RBFOX1: variants seen among roughly 807,000 people sequenced by gnomAD.
The protein encoded by RBFOX1 is RNA binding protein fox-1 homolog 1.
Under a neutral mutation model 57.7 loss-of-function variants are expected in RBFOX1, and 8 were observed. The ratio of observed to expected loss-of-function variants is 0.14; its 90% CI spans 0.08 to 0.25. RBFOX1 has a LOEUF of 0.25. RBFOX1 is among the 10% of genes least tolerant of loss of function. RBFOX1 has a pLI of 1.00. For synonymous variants in RBFOX1, 326 were observed against 222.4 expected (o/e 1.47, Z -4.15); for missense variants, 611 against 548.5 (o/e 1.11, Z -1.14).
intron 3 of RBFOX1, among the ~76,000 whole-genome samples, chr16:5,627,826 A>T (rs544999034): frequency 1.3e-5 from 2 of 152,242 alleles, no homozygotes; most frequent in Non-Finnish European, 2.9e-5. Context: ...CATAGGTTCT[A>T]TGCAAATACT....
At chr16:5,727,411 C>G (rs1007775995) in intron 3 of RBFOX1, among the ~76,000 whole-genome samples, 3 of 152,172 alleles carry the variant, frequency 2.0e-5, no homozygotes, top group African/African-American at 7.2e-5. Flanking sequence ...ATGTGATGCT[C>G]TGATGTACGT....
intron 4 of RBFOX1, among the ~76,000 whole-genome samples, chr16:7,489,332 G>C (rs778399335): frequency 4.6e-5 from 7 of 152,156 alleles, no homozygotes; most frequent in Non-Finnish European, 7.3e-5. Flanking sequence ...CTTTTGGCAA[G>C]TATTTCATAA....
At chr16:6,573,433 A>C (rs1320342252) in intron 2 of RBFOX1, among the ~76,000 whole-genome samples, 10 of 152,176 alleles carry the variant, frequency 6.6e-5, no homozygotes. Flanking sequence ...AAACTGCTGG[A>C]AAGAGTCTGC....
chr16:6,529,508 G>A (rs1007957615), intron 2 of RBFOX1, among the ~76,000 whole-genome samples: 7 of 151,830 alleles, frequency 4.6e-5, no homozygotes, highest in African/African-American at 1.5e-4. Flanking sequence ...GCAGTAAGTC[G>A]ACATTGCACC....
At chr16:6,839,823 C>T (rs967214625) in intron 3 of RBFOX1, among the ~76,000 whole-genome samples, 1 of 152,202 alleles carries the variant, frequency 6.6e-6, no homozygotes, top group Non-Finnish European at 1.5e-5. Flanking sequence ...TTCGTGTACT[C>T]ATAGCTATAA....
chr16:7,068,485 A>C (rs529918464), intron 4 of RBFOX1, among the ~76,000 whole-genome samples: 23 of 152,252 alleles, frequency 1.5e-4, no homozygotes, highest in Non-Finnish European at 2.9e-4. Flanking sequence ...TGCAGTCCCT[A>C]CTGGCATTCA....
intron 2 of RBFOX1, among the ~76,000 whole-genome samples, chr16:5,576,284 C>T (rs781046617): frequency 9.8e-5 from 15 of 152,302 alleles, no homozygotes; most frequent in South Asian, 2.1e-4. Flanking sequence ...TGAGCCACTA[C>T]GCCTAACCAG....
chr16:6,881,190 A>G (rs1400450883), intron 3 of RBFOX1, among the ~76,000 whole-genome samples: 3 of 152,226 alleles, frequency 2.0e-5, no homozygotes, highest in African/African-American at 7.2e-5. Context: ...TGCTCTCCCA[A>G]GCTCACAGGC....
chr16:6,944,351 C>T (rs528282987), intron 3 of RBFOX1, among the ~76,000 whole-genome samples: 5 of 147,976 alleles, frequency 3.4e-5, no homozygotes, highest in South Asian at 2.1e-4. Flanking sequence ...GCCAAGATTG[C>T]GCCGTTGTAC....
chr16:6,333,956 C>T (rs1456853186), intron 2 of RBFOX1, among the ~76,000 whole-genome samples: 1 of 152,026 alleles, frequency 6.6e-6, no homozygotes, highest in Non-Finnish European at 1.5e-5. Context: ...GGCCAAAGAA[C>T]AATTAAAGTG....
intron 2 of RBFOX1, among the ~76,000 whole-genome samples, chr16:5,572,955 G>A (rs1387984347): frequency 2.6e-5 from 4 of 152,144 alleles, no homozygotes; most frequent in Non-Finnish European, 5.9e-5. Flanking sequence ...GGGGGTGATT[G>A]AAGGGTTTTC....
chr16:6,082,943 A>G (rs2096027159), intron 1 of RBFOX1, among the ~76,000 whole-genome samples: 1 of 152,118 alleles, frequency 6.6e-6, no homozygotes, highest in Non-Finnish European at 1.5e-5. Flanking sequence ...ACTGCTCTCA[A>G]GAGGGTCGTG....
chr16:5,847,787 G>A (rs1487485151), intron 3 of RBFOX1, among the ~76,000 whole-genome samples: 5 of 152,078 alleles, frequency 3.3e-5, no homozygotes, highest in Non-Finnish European at 7.3e-5. Context: ...ACCTCTTAGG[G>A]TCGTCATGGA....
At chr16:5,941,267 A>G (rs148573440) in intron 4 of RBFOX1, among the ~76,000 whole-genome samples, 152 of 152,146 alleles carry the variant, frequency 1.0e-3, no homozygotes, top group African/African-American at 3.4e-3. Flanking sequence ...AGGTAGGAGG[A>G]TGGATTGAGG....
chr16:6,761,753 C>A (rs1012687982), intron 3 of RBFOX1, among the ~76,000 whole-genome samples: 3 of 151,938 alleles, frequency 2.0e-5, no homozygotes, highest in Non-Finnish European at 4.4e-5. Flanking sequence ...GATCCACCTG[C>A]CTCGGCCCCC....
chr16:7,490,900 C>T (rs946266535), intron 4 of RBFOX1, among the ~76,000 whole-genome samples: 2 of 152,176 alleles, frequency 1.3e-5, no homozygotes, highest in African/African-American at 4.8e-5. Context: ...CTTTATCAGC[C>T]TAAGGATACA....
At chr16:6,793,557 C>G (rs562376696) in intron 3 of RBFOX1, among the ~76,000 whole-genome samples, 1 of 152,236 alleles carries the variant, frequency 6.6e-6, no homozygotes, top group Admixed American at 6.5e-5. Context: ...GCCTACATTT[C>G]AATTCTTGGC....
At chr16:7,197,440 GAAAAAAA>G (rs57893229) in intron 4 of RBFOX1, among the ~76,000 whole-genome samples, 21 of 91,324 alleles carry the variant, frequency 2.3e-4, no homozygotes, top group East Asian at 1.1e-3. Context: ...CCTGTGAGTG[GAAAAAAA>G]AAAAAAAAAA....
chr16:7,631,324 C>G (rs376815564), intron 11 of RBFOX1, among the ~76,000 whole-genome samples: 1 of 152,076 alleles, frequency 6.6e-6, no homozygotes, highest in African/African-American at 2.4e-5. Flanking sequence ...GGAAGAGACC[C>G]AAAATAAATA....
Sources: gnomAD v4.1 joint callset for allele counts (sites outside exome capture counted in the v4.1 genomes callset) on GRCh38, gnomAD v4.1.1 for gene constraint, MANE v1.5 for transcripts, NCBI Gene and HGNC (gene_info 2026-07-23, HGNC 2026-07-21) for gene names.